Variants in GPC6 observed in about 807,000 individuals in gnomAD.
GPC6 encodes the protein glypican 6.
GPC6 carries 14 observed loss-of-function variants against 55.2 expected under a neutral mutation model. That is an observed-to-expected ratio of 0.25 (90% confidence interval 0.17 to 0.40). The LOEUF is 0.40. Among genes scored for constraint, GPC6 ranks in the 10% least tolerant of loss-of-function variants. GPC6 has a pLI of 1.00. For synonymous variants in GPC6, 278 were observed against 259.6 expected (o/e 1.07, Z -0.68); for missense variants, 641 against 708.5 (o/e 0.90, Z 1.08).
intron 4 of GPC6, among the ~76,000 whole-genome samples, chr13:94,077,030 T>C (rs1030333363): frequency 6.6e-6 from 1 of 151,338 alleles, no homozygotes; most frequent in Admixed American, 6.6e-5. Flanking sequence ...CATTGGGATT[T>C]TAACGGGGAT....
At chr13:93,789,971 A>G (rs936961882) in intron 2 of GPC6, among the ~76,000 whole-genome samples, 1 of 152,158 alleles carries the variant, frequency 6.6e-6, no homozygotes, top group Non-Finnish European at 1.5e-5. Context: ...AATTTAAAAA[A>G]TAAAACATTA....
chr13:94,223,054 T>C (rs9301945), intron 4 of GPC6, among the ~76,000 whole-genome samples: 45,001 of 151,996 alleles, frequency 0.3, 7,345 homozygotes, highest in Non-Finnish European at 0.37. Flanking sequence ...TGGCTATAAT[T>C]TCCTCTTCTC....
chr13:93,487,997 T>A (rs1434884392), intron 1 of GPC6, among the ~76,000 whole-genome samples: 1 of 152,208 alleles, frequency 6.6e-6, no homozygotes, highest in Admixed American at 6.5e-5. Flanking sequence ...TACTTTAAGT[T>A]CTAGGGTACA....
intron 3 of GPC6, among the ~76,000 whole-genome samples, chr13:93,985,159 G>T (rs373963042): frequency 1.8e-4 from 27 of 152,144 alleles, no homozygotes; most frequent in African/African-American, 6.5e-4. Context: ...CCAGGGCCAG[G>T]CGCAGGGGCT....
chr13:93,900,186 A>T (rs1402266965), intron 3 of GPC6, among the ~76,000 whole-genome samples: 1 of 152,116 alleles, frequency 6.6e-6, no homozygotes, highest in Non-Finnish European at 1.5e-5. Context: ...AATCTTCAGC[A>T]TTCAAATAAA....
At chr13:94,248,151 T>C (rs544466415) in intron 4 of GPC6, among the ~76,000 whole-genome samples, 3 of 152,266 alleles carry the variant, frequency 2.0e-5, no homozygotes, top group Admixed American at 2.0e-4. Context: ...AGGATCATAG[T>C]TGTAGAAGCC....
intron 3 of GPC6, among the ~76,000 whole-genome samples, chr13:93,974,970 C>T (rs1880451113): frequency 6.6e-6 from 1 of 152,132 alleles, no homozygotes; most frequent in Non-Finnish European, 1.5e-5. Flanking sequence ...CAGGCATGTC[C>T]AGTTCTCTAA....
chr13:94,233,956 G>C (rs1890803329), intron 4 of GPC6, among the ~76,000 whole-genome samples: 1 of 152,228 alleles, frequency 6.6e-6, no homozygotes, highest in Admixed American at 6.5e-5. Context: ...GGGGACTACT[G>C]TAACAGTACG....
chr13:93,614,447 A>G (rs938599670), intron 2 of GPC6, among the ~76,000 whole-genome samples: 3 of 152,098 alleles, frequency 2.0e-5, no homozygotes, highest in Admixed American at 6.6e-5. Flanking sequence ...CTTTACTTCT[A>G]TGTATCTCTG....
At chr13:93,324,668 T>C (rs577559927) in intron 1 of GPC6, among the ~76,000 whole-genome samples, 105 of 149,322 alleles carry the variant, frequency 7.0e-4, no homozygotes, top group Admixed American at 1.7e-3. Flanking sequence ...CCACTAAAAT[T>C]AAAAATAAAA....
chr13:93,690,866 C>A (rs1555324522), intron 2 of GPC6, among the ~76,000 whole-genome samples: 1 of 151,570 alleles, frequency 6.6e-6, no homozygotes, highest in Non-Finnish European at 1.5e-5. Context: ...GCATTTTTTT[C>A]TTTTTACAAA....
rs1176502093 is a variant in GPC6 at position 94,127,436 on chromosome 13, G to A, written c.877+99542G>A. ...TTTCGCCATGTGATGTGCCAGCTCC[G>A]CCTTTGCCTTCCACTGTGATTGGAA... is the stretch of plus-strand genomic sequence containing the variant. On this transcript the variant is annotated intron_variant, in intron 4 of 8. Transcript: ENST00000377047. Among the ~76,000 whole-genome samples the A allele has an allele frequency of 7.9e-5, 12 of 152,118 alleles. 1 individual carries two copies. The highest frequency in any genetic ancestry group is 6.8e-3 in the Middle Eastern group (2 of 294).
intron 6 of GPC6, among the ~76,000 whole-genome samples, chr13:94,374,691 C>G (rs1021074693): frequency 6.0e-5 from 9 of 151,210 alleles, no homozygotes; most frequent in African/African-American, 2.2e-4. Flanking sequence ...GAATTGAACT[C>G]AGCTCTGCAC....
At chr13:93,670,689 C>G (rs1179201439) in intron 2 of GPC6, among the ~76,000 whole-genome samples, 1 of 152,110 alleles carries the variant, frequency 6.6e-6, no homozygotes, top group Non-Finnish European at 1.5e-5. Flanking sequence ...GAGGCATCCC[C>G]AGATGTAATA....
intron 2 of GPC6, among the ~76,000 whole-genome samples, chr13:93,720,413 A>G (rs1301263360): frequency 1.3e-5 from 2 of 152,032 alleles, no homozygotes; most frequent in Non-Finnish European, 2.9e-5. Context: ...CAGTGATGAT[A>G]TCCCCTTTAT....
chr13:93,705,813 T>TG (rs1262839420), intron 2 of GPC6, among the ~76,000 whole-genome samples: 1 of 128,048 alleles, frequency 7.8e-6, no homozygotes, highest in African/African-American at 3.0e-5. Flanking sequence ...GCATCCTTTC[T>TG]GTTTTTTTTT....
At position 94,406,814 on chromosome 13, in the gene GPC6, A is replaced by G. The variant is rs1881386865; in HGVS notation, c.*3597A>G. On this transcript the variant is annotated 3_prime_UTR_variant, in exon 9 of 9. Transcript: ENST00000377047. ...ATTACTTCTTTTTGCAAAGCTAATT[A>G]TCAAATGATTTGATTAAACCTAGAC... 1 of 152,162 alleles carries G rather than the reference A, an allele frequency of 6.6e-6. No homozygotes were observed. Among genetic ancestry groups the G allele is most frequent in the African/African-American group, 2.4e-5 (1 of 41,450 alleles). The allele number at this position is 152,162 out of a possible 1,614,324, so 9.4% of individuals were successfully genotyped here.
chr13:93,634,053 C>T (rs957607544), intron 2 of GPC6, among the ~76,000 whole-genome samples: 2 of 152,158 alleles, frequency 1.3e-5, no homozygotes, highest in African/African-American at 4.8e-5. Context: ...TTTGAATGTA[C>T]TGATGCAGTG....
At chr13:93,471,428 G>T (rs1445291871) in intron 1 of GPC6, among the ~76,000 whole-genome samples, 2 of 151,846 alleles carry the variant, frequency 1.3e-5, no homozygotes, top group Admixed American at 6.6e-5. Context: ...TACTTGAGAG[G>T]CTGAGGCAGG....
Sources: allele counts gnomAD v4.1 joint callset (sites outside exome capture counted in the v4.1 genomes callset), GRCh38; gene constraint gnomAD v4.1.1; transcripts MANE v1.5; gene names NCBI Gene and HGNC (gene_info 2026-07-23, HGNC 2026-07-21).